The following MTHFD1 variants were observed in gnomAD, a reference collection of about 807,000 sequenced individuals.
The protein encoded by MTHFD1 is methylenetetrahydrofolate dehydrogenase, cyclohydrolase and formyltetrahydrofolate synthetase 1.
MTHFD1 carries 44 observed loss-of-function variants against 110.3 expected under a neutral mutation model. The ratio of observed to expected loss-of-function variants is 0.40; its 90% confidence interval spans 0.31 to 0.51. The LOEUF is 0.51. Ranked by LOEUF, MTHFD1 falls within the 20% of genes least tolerant of loss-of-function variation. The probability of loss-of-function intolerance (pLI) is 0.60; values close to 1 mark genes in which losing one functional copy is unlikely to be tolerated. For missense variants in MTHFD1, 909 were observed against 1,173.1 expected (o/e 0.77, Z 3.29); for synonymous variants, 402 against 428.8 (o/e 0.94, Z 0.77).
chr14:64,426,042 G>A lies in MTHFD1; in HGVS notation c.977G>A (p.Cys326Tyr), dbSNP rs764186500. 2.5e-6 allele frequency: 4 copies of A among 1,613,622 alleles called. No individual in the cohort carries two copies. The South Asian group carries it at 4.4e-5, about 18-fold the overall frequency. Residue 326 changes from cysteine to tyrosine, a missense_variant, in exon 11 of 28, where the codon TGT (cysteine) becomes TAT (tyrosine). Transcript: ENST00000652337. Reference protein sequence around the residue: ...VPSDIDISRSCKPKPIGKLAR... With the variant: ...VPSDIDISRSYKPKPIGKLAR... ...AGTGACATTGATATATCACGATCTT[G>A]TAAACCGAAGCCCATTGGTAAGCTG... is the stretch of plus-strand genomic sequence containing the variant.
At chr14:64,439,512 T>C (rs573547183) in intron 17 of MTHFD1, 83 of 345,766 alleles carry the variant, frequency 2.4e-4, no homozygotes, top group African/African-American at 1.7e-3. Context: ...TATTCCCTTG[T>C]ATATGAAAGA....
chr14:64,436,288 G>A (rs1391630915), intron 16 of MTHFD1, among the ~76,000 whole-genome samples: 1 of 152,028 alleles, frequency 6.6e-6, no homozygotes, highest in Non-Finnish European at 1.5e-5. Context: ...TAGAGACAGG[G>A]TTTCACCATG....
chr14:64,449,208 A>G lies in MTHFD1; in HGVS notation c.2280-237A>G, dbSNP rs570442423. The G allele has an allele frequency of 3.5e-5, 20 of 578,586 alleles. No homozygotes were observed. The East Asian group carries it at 5.5e-4, about 16-fold the overall frequency. 35.8% of individuals were successfully genotyped at this position (578,586 alleles called of 1,614,324 possible). ...GAGTCTCATAACGTCCCAATGAAAT[A>G]AGTGCTGTGATTATTCGCGTATTAC... On this transcript the variant is annotated intron_variant, in intron 23 of 27. Transcript: ENST00000652337.
Position 64,425,810 on chromosome 14 carries a change from CAA to C in MTHFD1, c.937_938del (p.Lys313AspfsTer6), listed in dbSNP as rs1566564801. Reference sequence around the variant, plus strand: ...TGATTCAGTATAACAACCTTAACCTCAAGACACCTGTTCCAAGGTAAAAATAA... The same window carrying C: ...TGATTCAGTATAACAACCTTAACCTCGACACCTGTTCCAAGGTAAAAATAA... ...WMIQYNNLNL[K>X]TPVPSDIDIS... On this transcript the variant is annotated frameshift_variant, in exon 10 of 28. Coordinates refer to ENST00000652337, the MANE Select transcript of MTHFD1 (RefSeq NM_005956.4). LOFTEE classifies it high-confidence loss of function. The C allele has an allele frequency of 6.2e-7, 1 of 1,613,804 alleles. No individual in the cohort carries two copies. The highest frequency in any genetic ancestry group is 2.2e-5 in the East Asian group (1 of 44,880).
Position 64,419,844 on chromosome 14 carries a change from A to T in MTHFD1, c.646A>T (p.Thr216Ser). The T allele has an allele frequency of 6.2e-7, 1 of 1,614,108 alleles. No homozygotes were observed. The highest frequency in any genetic ancestry group is 1.1e-5 in the South Asian group (1 of 91,088). ...VNKGDILVVATGQPEMVKGEW... is the reference protein window; with the variant it reads ...VNKGDILVVASGQPEMVKGEW... Reference sequence around the variant, plus strand: ...TAAAGGTGACATCCTGGTGGTTGCAACTGGTCAGCCTGAAATGGTTAAAGG... The same window carrying T: ...TAAAGGTGACATCCTGGTGGTTGCATCTGGTCAGCCTGAAATGGTTAAAGG... Residue 216 changes from threonine (T) to serine (S), a missense_variant, in exon 8 of 28, where the codon ACT (threonine) becomes TCT (serine). Thr to Ser is a moderately conservative substitution (Grantham distance 58). This residue lies in a region of MTHFD1 where 424 missense variants were observed against 510.4 expected (regional missense o/e 0.83). Coordinates refer to ENST00000652337, the MANE Select transcript of MTHFD1 (RefSeq NM_005956.4).
Position 64,421,230 on chromosome 14 carries a change from C to T in MTHFD1, c.727+1305C>T, listed in dbSNP as rs1434031145. Reference sequence around the variant, plus strand: ...TTTGTTGCATGTGTCTCATGTACGGCGTCCTGTGCTCTCCTGCCTAGATAG... The same window carrying T: ...TTTGTTGCATGTGTCTCATGTACGGTGTCCTGTGCTCTCCTGCCTAGATAG... On this transcript the variant is annotated intron_variant, in intron 8 of 27. Coordinates refer to ENST00000652337, the MANE Select transcript of MTHFD1 (RefSeq NM_005956.4). 2.0e-5 allele frequency among the ~76,000 whole-genome samples: 3 copies of T among 152,274 alleles called. No homozygotes were observed. In the South Asian group the frequency reaches 6.2e-4, roughly 32 times the overall value.
chr14:64,448,934 G>A (rs1027533137), intron 23 of MTHFD1, among the ~76,000 whole-genome samples: 1 of 152,012 alleles, frequency 6.6e-6, no homozygotes, highest in African/African-American at 2.4e-5. Flanking sequence ...CTAGTAGCTG[G>A]GACTACAGGT....
At chr14:64,418,907 T>C (rs2140958529) in intron 7 of MTHFD1, among the ~76,000 whole-genome samples, 1 of 151,568 alleles carries the variant, frequency 6.6e-6, no homozygotes, top group East Asian at 2.0e-4. Flanking sequence ...TAGGCTAGAG[T>C]GCAGTGGCAG....
chr14:64,426,438 C>T (rs905568424), intron 11 of MTHFD1, among the ~76,000 whole-genome samples: 13 of 152,114 alleles, frequency 8.5e-5, no homozygotes, highest in Admixed American at 2.6e-4. Context: ...TCTTAAAACC[C>T]GGTCTTAAGA....
At chr14:64,399,721 T>C (rs10135928) in intron 1 of MTHFD1, among the ~76,000 whole-genome samples, 8,631 of 151,394 alleles carry the variant, frequency 0.057, 433 homozygotes, top group African/African-American at 0.14. Context: ...TGGAAAATTG[T>C]TGGGAAGTTC....
chr14:64,406,018 T>C (rs1358885281), intron 2 of MTHFD1, among the ~76,000 whole-genome samples: 2 of 148,666 alleles, frequency 1.3e-5, no homozygotes, highest in African/African-American at 4.9e-5. Flanking sequence ...TGTGTATATA[T>C]ATATATAATA....
rs757491631 is a variant in MTHFD1, at chr14:64,419,897, C to G, written c.699C>G (p.Val233=). Reference sequence around the variant, plus strand: ...AGTGGATCAAACCTGGGGCAATAGTCATCGACTGTGGAATCAATTATGTCC... The same window carrying G: ...AGTGGATCAAACCTGGGGCAATAGTGATCGACTGTGGAATCAATTATGTCC... The part of the protein sequence containing the change: ...KGEWIKPGAI[V]IDCGINYVPD... Residue 233 remains valine, a synonymous_variant, in exon 8 of 28, where the codon GTC becomes GTG. Transcript: ENST00000652337. The G allele has an allele frequency of 6.2e-7, 1 of 1,613,764 alleles. No homozygotes were observed. The highest frequency in any genetic ancestry group is 1.3e-5 in the African/African-American group (1 of 74,904).
intron 15 of MTHFD1, among the ~76,000 whole-genome samples, chr14:64,435,187 G>A (rs776462400): frequency 6.6e-6 from 1 of 151,848 alleles, no homozygotes; most frequent in East Asian, 1.9e-4. Flanking sequence ...CTGACCTCAG[G>A]TGATCTGCCC....
intron 22 of MTHFD1, among the ~76,000 whole-genome samples, chr14:64,447,156 T>TTTC (rs1467352341): frequency 7.5e-6 from 1 of 132,542 alleles, no homozygotes; most frequent in African/African-American, 2.9e-5. Context: ...GTTCTTTTTT[T>TTTC]TTTTTTTTTT....
intron 1 of MTHFD1, among the ~76,000 whole-genome samples, chr14:64,395,837 A>G (rs4902278): frequency 0.93 from 141,323 of 152,196 alleles, 65,893 homozygotes; most frequent in Middle Eastern, 0.99. Context: ...AACCCTGATC[A>G]AGAAGCTTAA....
intron 18 of MTHFD1, 147 bp downstream of exon 18, chr14:64,440,413 A>G (rs1240543924): frequency 1.0e-6 from 1 of 989,396 alleles, no homozygotes; most frequent in African/African-American, 1.6e-5. Flanking sequence ...TAATTACAAG[A>G]TAATTATGAA....
At chr14:64,459,676 G>C in intron 27 of MTHFD1, 83 bp from the exon 28 acceptor site, 1 of 1,174,982 alleles carries the variant, frequency 8.5e-7, no homozygotes, top group Non-Finnish European at 1.2e-6. Context: ...CAATGTGAGT[G>C]GGTAATGGTG....
chr14:64,414,734 T>G (rs2884244), intron 4 of MTHFD1, among the ~76,000 whole-genome samples: 1 of 150,406 alleles, frequency 6.6e-6, no homozygotes, highest in South Asian at 2.1e-4. Context: ...CTCAACTCAC[T>G]GCTGGAGTGC....
chr14:64,444,542 A>G (rs1473624477), intron 21 of MTHFD1, 151 bp from the exon 22 acceptor site: 3 of 853,106 alleles, frequency 3.5e-6, no homozygotes, highest in Non-Finnish European at 5.8e-6. Context: ...GATTGGTCAC[A>G]TACCCTAAGT....
Sources: allele counts gnomAD v4.1 joint callset (sites outside exome capture counted in the v4.1 genomes callset), GRCh38; gene constraint gnomAD v4.1.1; regional missense constraint gnomAD v4.1.1; transcripts MANE v1.5; gene names NCBI Gene and HGNC (gene_info 2026-07-23, HGNC 2026-07-21).